The following GABRA2 variants were observed in gnomAD, a reference collection of about 807,000 sequenced individuals.
GABRA2 encodes the protein gamma-aminobutyric acid receptor subunit alpha-2.
A neutral mutation model predicts 48.7 loss-of-function variants in GABRA2; 16 were observed. The ratio of observed to expected loss-of-function variants is 0.33; its 90% CI spans 0.22 to 0.50. GABRA2 has a LOEUF of 0.50. Ranked by LOEUF, GABRA2 falls within the 20% of genes least tolerant of loss-of-function variation. The pLI is 0.98. For synonymous variants in GABRA2, 185 were observed against 184.5 expected, an observed-to-expected ratio of 1.00 and a Z score of -0.02; for missense variants, 275 against 535.6, an observed-to-expected ratio of 0.51 and a Z score of 4.80.
At chr4:46,333,751 A>C (rs1314306135) in intron 3 of GABRA2, among the ~76,000 whole-genome samples, 2 of 152,084 alleles carry the variant, frequency 1.3e-5, no homozygotes, top group Non-Finnish European at 2.9e-5. Flanking sequence ...TATGTGGTAG[A>C]TTCTCTGTTA....
chr4:46,355,172 A>G (rs1265504093), intron 3 of GABRA2, among the ~76,000 whole-genome samples: 1 of 152,102 alleles, frequency 6.6e-6, no homozygotes, highest in African/African-American at 2.4e-5. Flanking sequence ...TAAATGCTTC[A>G]ATCCCAATGT....
chr4:46,255,791 G>A (rs1202761975), intron 9 of GABRA2, among the ~76,000 whole-genome samples: 1 of 151,532 alleles, frequency 6.6e-6, no homozygotes, highest in African/African-American at 2.4e-5. Context: ...TTACACCATG[G>A]TGTCAAAACA....
intron 4 of GABRA2, among the ~76,000 whole-genome samples, chr4:46,318,947 A>G (rs565002990): frequency 6.6e-6 from 1 of 151,860 alleles, no homozygotes; most frequent in East Asian, 1.9e-4. Flanking sequence ...CTCCTTTCAC[A>G]GATGGGAATA....
chr4:46,283,983 T>C lies in GABRA2; in HGVS notation c.856+19477A>G, dbSNP rs1722036068. The stretch of plus-strand genomic sequence containing the variant: ...ACCGTGTTAGCCAGGATGGTCTCCA[T>C]CTCCTGACCTTGTGATCTGCCCACC... On this transcript the variant is annotated intron_variant, in intron 8 of 9. Coordinates refer to ENST00000381620, the MANE Select transcript of GABRA2 (RefSeq NM_000807.4). Among the ~76,000 whole-genome samples, 9 of 151,046 alleles carry C rather than the reference T, an allele frequency of 6.0e-5. 1 individual carries two copies. In the South Asian group the frequency reaches 1.7e-3, roughly 29 times the overall value.
intron 9 of GABRA2, chr4:46,261,026 T>C (rs1490168387): frequency 6.6e-6 from 1 of 151,920 alleles, no homozygotes; most frequent in Non-Finnish European, 1.5e-5. Context: ...AAAGAAGCAT[T>C]TAGGTTGATA....
intron 3 of GABRA2, chr4:46,368,285 G>T (rs1031369121): frequency 6.6e-6 from 1 of 152,146 alleles, no homozygotes; most frequent in Non-Finnish European, 1.5e-5. Context: ...AGCCACCTCA[G>T]AACAATGGGG....
At chr4:46,352,772 G>T (rs2109916460) in intron 3 of GABRA2, among the ~76,000 whole-genome samples, 1 of 152,176 alleles carries the variant, frequency 6.6e-6, no homozygotes, top group Admixed American at 6.6e-5. Context: ...ACTGCTTTCT[G>T]CAATCAAGAA....
intron 3 of GABRA2, among the ~76,000 whole-genome samples, chr4:46,339,101 A>C (rs1347576691): frequency 2.0e-5 from 3 of 151,402 alleles, no homozygotes; most frequent in Non-Finnish European, 4.4e-5. Flanking sequence ...AACTACAACC[A>C]CTCCAAATCT....
chr4:46,371,137 G>C (rs570436783), intron 3 of GABRA2, among the ~76,000 whole-genome samples: 4 of 152,092 alleles, frequency 2.6e-5, no homozygotes, highest in Admixed American at 2.0e-4. Context: ...CAAATTAAAG[G>C]CTTTTTCTCC....
intron 8 of GABRA2, among the ~76,000 whole-genome samples, chr4:46,273,502 C>CATATATATATATAT (rs71637683): frequency 8.3e-5 from 4 of 48,138 alleles, no homozygotes; most frequent in Admixed American, 2.2e-4. Context: ...TATATATATG[C>CATATATATATATAT]ATATATATAT....
intron 7 of GABRA2, among the ~76,000 whole-genome samples, chr4:46,305,205 T>G (rs922846468): frequency 7.6e-6 from 1 of 131,950 alleles, no homozygotes; most frequent in African/African-American, 2.9e-5. Context: ...TAGGTGGGAA[T>G]TGAACAATGA....
chr4:46,329,004 G>C (rs997810110), intron 4 of GABRA2, among the ~76,000 whole-genome samples: 5 of 152,036 alleles, frequency 3.3e-5, no homozygotes, highest in African/African-American at 1.2e-4. Flanking sequence ...GCATGTGTTT[G>C]TATGTGTCTG....
At chr4:46,312,384 T>A (rs1306777055) in intron 5 of GABRA2, 112 bp downstream of exon 5, 2 of 661,888 alleles carry the variant, frequency 3.0e-6, no homozygotes, top group Non-Finnish European at 5.3e-6. Flanking sequence ...ACTTCAATAA[T>A]CTGTTAGAAA....
chr4:46,369,582 G>A (rs1476370299), intron 3 of GABRA2, among the ~76,000 whole-genome samples: 4 of 152,046 alleles, frequency 2.6e-5, no homozygotes, highest in African/African-American at 4.8e-5. Flanking sequence ...AGAATTATGA[G>A]TTTAGTTCCT....
chr4:46,285,474 A>G (rs796492782), intron 8 of GABRA2, among the ~76,000 whole-genome samples: 1 of 152,212 alleles, frequency 6.6e-6, no homozygotes, highest in African/African-American at 2.4e-5. Flanking sequence ...ACTCTGTACT[A>G]GGATGGGTAG....
chr4:46,284,937 A>G (rs1478102846), intron 8 of GABRA2, among the ~76,000 whole-genome samples: 3 of 151,586 alleles, frequency 2.0e-5, no homozygotes, highest in Admixed American at 2.0e-4. Context: ...GGGTTTATGA[A>G]CCTGTCAATT....
intron 8 of GABRA2, among the ~76,000 whole-genome samples, chr4:46,289,829 T>C (rs2109524671): frequency 6.6e-6 from 1 of 152,262 alleles, no homozygotes; most frequent in Non-Finnish European, 1.5e-5. Flanking sequence ...TTGATTACTG[T>C]AGCTTTGTAG....
chr4:46,287,371 C>G (rs1195534614), intron 8 of GABRA2, among the ~76,000 whole-genome samples: 1 of 151,868 alleles, frequency 6.6e-6, no homozygotes, highest in East Asian at 1.9e-4. Context: ...TATCCATGCT[C>G]ATGGATAAGA....
intron 8 of GABRA2, among the ~76,000 whole-genome samples, chr4:46,273,217 T>A (rs928993214): frequency 6.6e-6 from 1 of 151,976 alleles, no homozygotes; most frequent in African/African-American, 2.4e-5. Context: ...GAATGTGATA[T>A]GACTAGGCGT....
Sources: gnomAD v4.1 joint callset for allele counts (sites outside exome capture counted in the v4.1 genomes callset) on GRCh38, gnomAD v4.1.1 for gene constraint, MANE v1.5 for transcripts, NCBI Gene and HGNC (gene_info 2026-07-23, HGNC 2026-07-21) for gene names.